Variants in FKBP14 observed in about 807,000 individuals in gnomAD.
FKBP14 encodes FKBP prolyl isomerase 14, also known as peptidyl-prolyl cis-trans isomerase FKBP14.
A neutral mutation model predicts 21.6 loss-of-function variants in FKBP14; 20 were observed. The ratio of observed to expected loss-of-function variants is 0.92; its 90% confidence interval spans 0.65 to 1.34. FKBP14 has a LOEUF of 1.34. FKBP14 is among the 40% of genes most tolerant of loss of function. FKBP14 has a pLI of 0.00. For synonymous variants in FKBP14, 79 were observed against 86.7 expected (o/e 0.91, Z 0.49); for missense variants, 253 against 249.0 (o/e 1.02, Z -0.11).
downstream of FKBP14, among the ~76,000 whole-genome samples, chr7:30,009,548 TA>T (rs1219331146): frequency 6.6e-6 from 1 of 152,102 alleles, no homozygotes; most frequent in African/African-American, 2.4e-5. Flanking sequence ...TTTACCTTTT[TA>T]ATAAAAAGGT....
intron 3 of FKBP14, among the ~76,000 whole-genome samples, chr7:30,018,704 G>T (rs1429105262): frequency 6.6e-6 from 1 of 152,082 alleles, no homozygotes; most frequent in African/African-American, 2.4e-5. Context: ...AAGACCCAAG[G>T]GTAAGCATAA....
chr7:30,018,933 C>A (rs1347164426), intron 3 of FKBP14, 63 bp downstream of exon 3: 18 of 1,562,532 alleles, frequency 1.2e-5, no homozygotes, highest in Non-Finnish European at 1.3e-5. Context: ...AAAAACAAAA[C>A]AAAACAAAAC....
At chr7:30,019,637 A>G (rs1295266549) in intron 2 of FKBP14, among the ~76,000 whole-genome samples, 1 of 152,126 alleles carries the variant, frequency 6.6e-6, no homozygotes, top group Non-Finnish European at 1.5e-5. Context: ...CTGAGGCTGA[A>G]GTTTACATTT....
downstream of FKBP14, among the ~76,000 whole-genome samples, chr7:30,006,798 C>G (rs1452741005): frequency 6.6e-6 from 1 of 152,192 alleles, no homozygotes; most frequent in Non-Finnish European, 1.5e-5. Context: ...TTCCACTGAC[C>G]TAGTGACTAT....
Position 30,013,436 on chromosome 7 carries a change from GAC to G in FKBP14, c.*1297_*1298del, listed in dbSNP as rs1309532200. On this transcript the variant is annotated 3_prime_UTR_variant, in exon 4 of 4. Coordinates refer to ENST00000222803, the MANE Select transcript of FKBP14 (RefSeq NM_017946.4). ...GGCTAATTTTTGTATTTTTAGTAGA[GAC>G]AAGGTTTCACCATGTTGGCCAGGCT... The G allele has an allele frequency of 2.6e-5, 4 of 152,114 alleles. No homozygotes were observed. The highest frequency in any genetic ancestry group is 5.9e-5 in the Non-Finnish European group (4 of 68,082). The allele number at this position is 152,114 out of a possible 1,614,324, so 9.4% of individuals were successfully genotyped here. A position where few individuals can be genotyped will look rare whatever the true frequency, so the allele number is the denominator to read the frequency against.
downstream of FKBP14, among the ~76,000 whole-genome samples, chr7:30,006,777 C>T (rs1392279892): frequency 6.6e-6 from 1 of 152,166 alleles, no homozygotes; most frequent in Non-Finnish European, 1.5e-5. Context: ...ACAGTGAGAA[C>T]CACTGATTTT....
At chr7:30,009,507 A>G (rs995681222), downstream of FKBP14, among the ~76,000 whole-genome samples, 25 of 152,298 alleles carry the variant, frequency 1.6e-4, no homozygotes, top group African/African-American at 5.5e-4. Flanking sequence ...TGCTGGGAGT[A>G]CAGGCATGAG....
At chr7:30,007,349 A>G (rs541449338), downstream of FKBP14, among the ~76,000 whole-genome samples, 21 of 151,926 alleles carry the variant, frequency 1.4e-4, no homozygotes, top group Admixed American at 6.6e-5. Flanking sequence ...AGCTGGGACT[A>G]CAAGCATGCA....
downstream of FKBP14, among the ~76,000 whole-genome samples, chr7:30,009,057 T>C (rs1789667162): frequency 6.6e-6 from 1 of 152,178 alleles, no homozygotes. Context: ...ATAATCATTT[T>C]GACATCTTAG....
chr7:30,021,800 C>A (rs1196295787), intron 2 of FKBP14, among the ~76,000 whole-genome samples: 1 of 152,320 alleles, frequency 6.6e-6, no homozygotes, highest in East Asian at 1.9e-4. Flanking sequence ...AGTGATCCAC[C>A]CTCCTTGGCC....
chr7:30,007,726 T>C (rs1308952823), downstream of FKBP14, among the ~76,000 whole-genome samples: 2 of 152,210 alleles, frequency 1.3e-5, no homozygotes, highest in Non-Finnish European at 2.9e-5. Flanking sequence ...TTGGACCACC[T>C]GCATCAGGGT....
At position 30,014,438 on chromosome 7, in the gene FKBP14, C is replaced by A. The variant is rs1035291510; in HGVS notation, c.*297G>T. 2.2e-5 allele frequency: 4 copies of A among 185,966 alleles called. No individual in the cohort carries two copies. The highest frequency in any genetic ancestry group is 9.3e-5 in the African/African-American group (4 of 42,826). 11.5% of individuals were successfully genotyped at this position (185,966 alleles called of 1,614,324 possible). A position where few individuals can be genotyped will look rare whatever the true frequency, so the allele number is the denominator to read the frequency against. On this transcript the variant is annotated 3_prime_UTR_variant, in exon 4 of 4. Coordinates refer to ENST00000222803, the MANE Select transcript of FKBP14 (RefSeq NM_017946.4). ...CTGGTCTCATGTCGTGGTATATTCC[C>A]AGTTGCAACATTTTAAATTTATAAG...
chr7:30,008,714 T>C (rs1225447918), downstream of FKBP14, among the ~76,000 whole-genome samples: 2 of 150,054 alleles, frequency 1.3e-5, no homozygotes, highest in East Asian at 2.0e-4. Flanking sequence ...CGGTGGCTCA[T>C]GCCTGTAATC....
chr7:30,009,726 A>G (rs1789679069), downstream of FKBP14, among the ~76,000 whole-genome samples: 1 of 151,042 alleles, frequency 6.6e-6, no homozygotes, highest in Non-Finnish European at 1.5e-5. Flanking sequence ...GTGGTCCCTC[A>G]CGCCTGTAAT....
chr7:30,022,665 C>T lies in FKBP14; in HGVS notation c.349G>A (p.Gly117Ser), dbSNP rs752455232. 7 of 1,610,272 alleles carry T rather than the reference C, an allele frequency of 4.3e-6. No individual in the cohort carries two copies. Among genetic ancestry groups the T allele is most frequent in the Middle Eastern group, 1.7e-4 (1 of 6,054 alleles). Residue 117 changes from glycine (G) to serine (S), a missense_variant and splice_region_variant, in exon 2 of 4, where the codon GGT becomes AGT. By Grantham distance (56) the Gly-to-Ser change is moderately conservative. Coordinates refer to ENST00000222803, the MANE Select transcript of FKBP14 (RefSeq NM_017946.4). Reference protein sequence around the residue: ...PALGYGKEGKGKIPPESTLIF... With the variant: ...PALGYGKEGKSKIPPESTLIF... ...AAGAAAAATACAGAAATACTATTAC[C>T]TTTTCCTTCTTTTCCATAGCCCAGA...
Position 30,026,603 on chromosome 7 carries a change from G to A in FKBP14, c.-95C>T. On this transcript the variant is annotated 5_prime_UTR_variant, in exon 1 of 4. Transcript: ENST00000222803. Reference sequence around the variant, plus strand: ...CGTAGTTCAAGGCTTACGGACAAGGGCTTCAGACAAGTTCAGGACTCCCCC... The same window carrying A: ...CGTAGTTCAAGGCTTACGGACAAGGACTTCAGACAAGTTCAGGACTCCCCC... 2.5e-6 allele frequency: 3 copies of A among 1,192,930 alleles called. No individual in the cohort carries two copies. The allele number at this position is 1,192,930 out of a possible 1,614,324, so 73.9% of individuals were successfully genotyped here.
intron 3 of FKBP14, among the ~76,000 whole-genome samples, chr7:30,015,752 A>C: frequency 7.1e-6 from 1 of 141,438 alleles, no homozygotes; most frequent in Non-Finnish European, 1.5e-5. Context: ...CAGCCTCCCG[A>C]GTAGCTGGGA....
In FKBP14 at chr7:30,014,731, ATC is replaced by A. The variant is rs1562835825; in HGVS notation, c.*2_*3del. The A allele has an allele frequency of 6.4e-7, 1 of 1,555,448 alleles. No homozygotes were observed. The highest frequency in any genetic ancestry group is 1.2e-5 in the South Asian group (1 of 80,246). On this transcript the variant is annotated 3_prime_UTR_variant, in exon 4 of 4. Coordinates refer to ENST00000222803, the MANE Select transcript of FKBP14 (RefSeq NM_017946.4). The stretch of plus-strand genomic sequence containing the variant: ...AGTGCTATATTAAAAGGGTAGATGT[ATC>A]TCTATAACTCATCGTGTTTATATGT...
downstream of FKBP14, among the ~76,000 whole-genome samples, chr7:30,010,314 A>C (rs1360336564): frequency 6.6e-6 from 1 of 152,116 alleles, no homozygotes; most frequent in Non-Finnish European, 1.5e-5. Context: ...AAAACCAAAA[A>C]CACTTTCTTC....
Sources: allele counts gnomAD v4.1 joint callset (sites outside exome capture counted in the v4.1 genomes callset), GRCh38; gene constraint gnomAD v4.1.1; transcripts MANE v1.5; gene names NCBI Gene and HGNC (gene_info 2026-07-23, HGNC 2026-07-21).